Variants in ZIM2 observed in about 807,000 individuals in gnomAD.
The protein encoded by ZIM2 is zinc finger imprinted 2.
In ZIM2, 14 loss-of-function variants were observed where a neutral mutation model predicts 38.6. That is an observed-to-expected ratio of 0.36 (90% CI 0.24 to 0.57). The LOEUF (loss-of-function observed/expected upper bound fraction) is 0.57, where lower values mean the gene tolerates loss of function less well. Ranked by LOEUF, ZIM2 falls within the 20% of genes least tolerant of loss-of-function variation. The probability of loss-of-function intolerance (pLI) is 0.81; values close to 1 mark genes in which losing one functional copy is unlikely to be tolerated. For missense variants in ZIM2, 680 were observed against 695.1 expected, an observed-to-expected ratio of 0.98 and a Z score of 0.24; for synonymous variants, 247 against 245.8, an observed-to-expected ratio of 1.00 and a Z score of -0.04.
At chr19:56,834,732 C>G (rs2146606380) in intron 2 of ZIM2, among the ~76,000 whole-genome samples, 1 of 152,222 alleles carries the variant, frequency 6.6e-6, no homozygotes, top group East Asian at 1.9e-4. Context: ...ACCAACCCAT[C>G]CCAAGGGCTC....
At chr19:56,815,864 C>G in intron 9 of ZIM2, 1 of 1,613,672 alleles carries the variant, frequency 6.2e-7, no homozygotes, top group South Asian at 1.1e-5. Context: ...ATGGAGGATT[C>G]TCCCTTCTCA....
intron 6 of ZIM2, among the ~76,000 whole-genome samples, chr19:56,822,277 T>C (rs558415753): frequency 6.6e-6 from 1 of 152,346 alleles, no homozygotes; most frequent in East Asian, 1.9e-4. Flanking sequence ...TCCAGCAGTA[T>C]GGACACCAAC....
chr19:56,784,621 A>G (rs1321135375), intron 10 of ZIM2, among the ~76,000 whole-genome samples: 4 of 151,978 alleles, frequency 2.6e-5, no homozygotes, highest in Non-Finnish European at 5.9e-5. Context: ...TCCATCTCAT[A>G]CTCTGTAACT....
intron 2 of ZIM2, among the ~76,000 whole-genome samples, chr19:56,834,155 T>G (rs373281718): frequency 6.6e-6 from 1 of 152,140 alleles, no homozygotes; most frequent in Non-Finnish European, 1.5e-5. Flanking sequence ...AATTGGCTCA[T>G]CTGATTTTTT....
At chr19:56,784,894 T>C (rs1568569633) in intron 10 of ZIM2, among the ~76,000 whole-genome samples, 1 of 152,224 alleles carries the variant, frequency 6.6e-6, no homozygotes, top group Non-Finnish European at 1.5e-5. Flanking sequence ...TTTATTAATA[T>C]ACATCTTTTG....
At chr19:56,830,623 G>C (rs1165917361) in intron 2 of ZIM2, among the ~76,000 whole-genome samples, 1 of 152,062 alleles carries the variant, frequency 6.6e-6, no homozygotes, top group Admixed American at 6.5e-5. Flanking sequence ...TATAAATATG[G>C]GGCAAGCATT....
chr19:56,839,897 C>G (rs1327053735), intron 1 of ZIM2, among the ~76,000 whole-genome samples: 1 of 152,240 alleles, frequency 6.6e-6, no homozygotes, highest in East Asian at 1.9e-4. Flanking sequence ...CTGCCGCCAA[C>G]CAACCAAGGC....
At chr19:56,836,443 G>A (rs962225634) in intron 1 of ZIM2, among the ~76,000 whole-genome samples, 4 of 152,118 alleles carry the variant, frequency 2.6e-5, no homozygotes, top group Admixed American at 6.5e-5. Flanking sequence ...TGTTAGGACC[G>A]CTATCCTATC....
chr19:56,826,760 C>T (rs963149773), intron 2 of ZIM2, among the ~76,000 whole-genome samples: 1 of 152,174 alleles, frequency 6.6e-6, no homozygotes. Flanking sequence ...CTTAATGCTG[C>T]TATTATTGAA....
intron 9 of ZIM2, among the ~76,000 whole-genome samples, chr19:56,807,292 G>A (rs530149183): frequency 7.2e-5 from 11 of 152,266 alleles, no homozygotes; most frequent in Middle Eastern, 6.8e-3. Flanking sequence ...AATGACCAAC[G>A]TATCCCTTTA....
intron 2 of ZIM2, among the ~76,000 whole-genome samples, chr19:56,830,204 A>G (rs1001342992): frequency 1.3e-5 from 2 of 152,230 alleles, no homozygotes; most frequent in Non-Finnish European, 2.9e-5. Flanking sequence ...GGTGTTCAAT[A>G]AACATTATTT....
intron 9 of ZIM2, among the ~76,000 whole-genome samples, chr19:56,795,402 C>T (rs922341740): frequency 6.6e-6 from 1 of 152,216 alleles, no homozygotes; most frequent in African/African-American, 2.4e-5. Context: ...CCAGCCCCGC[C>T]CAGGCCCCTG....
intron 9 of ZIM2, chr19:56,815,653 C>T (rs200205197): frequency 1.7e-5 from 28 of 1,614,068 alleles, no homozygotes; most frequent in African/African-American, 1.1e-4. Context: ...CTGGTATTCA[C>T]GGACATTTGA....
chr19:56,814,329 GGCTGCTGCTGCTGCA>G lies in ZIM2; in HGVS notation c.490+3402_490+3416del, dbSNP rs768462739. On this transcript the variant is annotated intron_variant, in intron 9 of 12. Transcript: ENST00000629319. This position sits in a 1 kb window ranked among gnomAD's most constrained non-coding sequence, Gnocchi z 5.8. ...CATGGACATTGGCTTCAACTTCCTG[GGCTGCTGCTGCTGCA>G]GCTGCTGCTGCTTCATCTTCTTCTT... The G allele has an allele frequency of 1.8e-4, 295 of 1,613,850 alleles. 1 individual carries two copies. Among genetic ancestry groups the G allele is most frequent in the South Asian group, 2.6e-4 (24 of 91,064 alleles).
At chr19:56,779,592 A>G (rs576796176) in intron 11 of ZIM2, 120 bp from the exon 12 acceptor site, 2 of 916,520 alleles carry the variant, frequency 2.2e-6, no homozygotes, top group African/African-American at 3.3e-5. Context: ...GCCTGTTTCC[A>G]GCCTACAGAG....
At chr19:56,777,733 G>A (rs1324893801) in intron 12 of ZIM2, among the ~76,000 whole-genome samples, 2 of 152,218 alleles carry the variant, frequency 1.3e-5, no homozygotes, top group Non-Finnish European at 2.9e-5. Flanking sequence ...TGTGCCTACT[G>A]TCTAGCATAT....
chr19:56,774,775 A>G lies in ZIM2; in HGVS notation c.1590T>C (p.Cys530=). ...ATGAGGGTCGGCCGAAACATTTCCC[A>G]CATAGCTGACACTGGTAAGGCCTCT... ...TQERPYQCQL[C]GKCFGRPSYL... Residue 530 remains cysteine, a synonymous_variant, in exon 13 of 13, where the codon TGT becomes TGC. Coordinates refer to ENST00000629319, the MANE Select transcript of ZIM2 (RefSeq NM_001387356.1). 1.2e-6 allele frequency: 2 copies of G among 1,614,162 alleles called. No homozygotes were observed. Among genetic ancestry groups the G allele is most frequent in the African/African-American group, 2.7e-5 (2 of 75,038 alleles).
intron 9 of ZIM2, among the ~76,000 whole-genome samples, chr19:56,794,885 A>G (rs938579770): frequency 1.3e-5 from 2 of 152,214 alleles, no homozygotes; most frequent in Non-Finnish European, 2.9e-5. Context: ...ATCATCCCTC[A>G]AAATCTGTTG....
chr19:56,789,796 T>C, intron 10 of ZIM2, 76 bp downstream of exon 10: 2 of 1,295,032 alleles, frequency 1.5e-6, no homozygotes, highest in South Asian at 2.2e-5. Context: ...GTGGTTTAAT[T>C]AAATAAGGAA....
Sources: allele counts gnomAD v4.1 joint callset (sites outside exome capture counted in the v4.1 genomes callset), GRCh38; gene constraint gnomAD v4.1.1; non-coding constraint Gnocchi (gnomAD v3.1); transcripts MANE v1.5; gene names NCBI Gene and HGNC (gene_info 2026-07-23, HGNC 2026-07-21).